Variants in SAMD5 observed in about 807,000 individuals in gnomAD.
The protein encoded by SAMD5 is sterile alpha motif domain-containing protein 5.
In SAMD5, 13 loss-of-function variants were observed where a neutral mutation model predicts 11.3. The observed-to-expected ratio is 1.15, with a 90% confidence interval of 0.75 to 1.83. The LOEUF (loss-of-function observed/expected upper bound fraction) is 1.83. SAMD5 is among the 40% of genes most tolerant of loss of function. The probability of loss-of-function intolerance (pLI) is 0.00; values close to 1 mark genes in which losing one functional copy is unlikely to be tolerated. For missense variants in SAMD5, 255 were observed against 239.1 expected, an observed-to-expected ratio of 1.07 and a Z score of -0.44; for synonymous variants, 129 against 111.3, an observed-to-expected ratio of 1.16 and a Z score of -1.00.
intron 1 of SAMD5, among the ~76,000 whole-genome samples, chr6:147,597,212 C>T (rs7754968): frequency 0.019 from 2,865 of 152,110 alleles, 82 homozygotes; most frequent in African/African-American, 0.066. Context: ...GTTATTAATC[C>T]AAACAATTAA....
At chr6:147,862,465 T>G in the SAMD5 span, among the ~76,000 whole-genome samples, 2 of 152,160 alleles carry the variant, frequency 1.3e-5, no homozygotes, top group African/African-American at 2.4e-5. Flanking sequence ...ACTACCAAGA[T>G]GAAAAGACCC....
At chr6:147,725,520 C>T (rs1277942613) in intron 1 of SAMD5, among the ~76,000 whole-genome samples, 1 of 151,858 alleles carries the variant, frequency 6.6e-6, no homozygotes, top group Admixed American at 6.6e-5. Context: ...TCCCAAGTAG[C>T]TGGGATTACA....
intron 1 of SAMD5, among the ~76,000 whole-genome samples, chr6:147,618,214 A>G (rs1369157066): frequency 1.3e-5 from 2 of 152,228 alleles, no homozygotes; most frequent in Admixed American, 1.3e-4. Flanking sequence ...GCTGGATGCT[A>G]GGAATACACA....
chr6:147,514,032 G>A lies in SAMD5; in HGVS notation c.459+4645G>A, dbSNP rs369953190. On this transcript the variant is annotated intron_variant, in intron 1 of 1. Transcript: ENST00000367474. ...GAGGAAGGGAGACTTTGTTGTCAAG[G>A]GAAGGGTTTTGTGGATTTGTTTGTG... 2.8e-4 allele frequency among the ~76,000 whole-genome samples: 42 copies of A among 152,286 alleles called. No homozygotes were observed. The South Asian group carries it at 8.5e-3, about 31-fold the overall frequency.
the SAMD5 span, among the ~76,000 whole-genome samples, chr6:147,757,472 A>G: frequency 2.6e-5 from 4 of 151,930 alleles, no homozygotes; most frequent in Non-Finnish European, 5.9e-5. Flanking sequence ...ACCAGTTAGA[A>G]CCCCTTCCCA....
At chr6:147,705,023 A>C (rs1791306741) in intron 1 of SAMD5, among the ~76,000 whole-genome samples, 2 of 152,224 alleles carry the variant, frequency 1.3e-5, no homozygotes, top group South Asian at 4.1e-4. Flanking sequence ...ATTTAGGAGA[A>C]GAAGATTGGA....
intron 1 of SAMD5, among the ~76,000 whole-genome samples, chr6:147,510,348 C>G (rs371911319): frequency 1.3e-5 from 2 of 152,272 alleles, no homozygotes; most frequent in African/African-American, 4.8e-5. Flanking sequence ...AGGCGGCTGT[C>G]GGAGTAGAGG....
chr6:147,619,734 G>C (rs984625539), intron 1 of SAMD5, among the ~76,000 whole-genome samples: 8 of 152,224 alleles, frequency 5.3e-5, no homozygotes, highest in African/African-American at 1.9e-4. Flanking sequence ...GGCTGCAAGA[G>C]AGGGTGGACC....
chr6:147,780,342 G>A, the SAMD5 span, among the ~76,000 whole-genome samples: 1 of 151,878 alleles, frequency 6.6e-6, no homozygotes, highest in Admixed American at 6.6e-5. Flanking sequence ...CAAGTAGCTT[G>A]GATTATAGAT....
intron 1 of SAMD5, among the ~76,000 whole-genome samples, chr6:147,525,647 G>T (rs953134782): frequency 2.6e-5 from 4 of 152,038 alleles, no homozygotes; most frequent in Admixed American, 2.0e-4. Flanking sequence ...GAGTGGTTCA[G>T]AATTTAATCA....
the SAMD5 span, among the ~76,000 whole-genome samples, chr6:147,936,283 T>C: frequency 5.5e-4 from 83 of 152,202 alleles, no homozygotes; most frequent in African/African-American, 1.9e-3. Flanking sequence ...GAGTAATTTA[T>C]AAGAAAAGGA....
chr6:147,920,953 A>G, the SAMD5 span, among the ~76,000 whole-genome samples: 91,847 of 152,040 alleles, frequency 0.6, 28,877 homozygotes, highest in African/African-American at 0.79. Flanking sequence ...TGTTACAATT[A>G]TTTTACAAAT....
the SAMD5 span, among the ~76,000 whole-genome samples, chr6:147,909,493 A>G: frequency 6.6e-6 from 1 of 152,152 alleles, no homozygotes; most frequent in South Asian, 2.1e-4. Flanking sequence ...TAAATAAAAC[A>G]TAATTATTAA....
chr6:147,823,243 C>A, the SAMD5 span, among the ~76,000 whole-genome samples: 6 of 152,044 alleles, frequency 3.9e-5, no homozygotes, highest in Non-Finnish European at 7.4e-5. Context: ...ATTTCTTTGG[C>A]AGATTTCTGA....
In SAMD5 at chr6:147,528,479, G is replaced by T. The variant is rs77955236; in HGVS notation, c.459+19092G>T. 9.3e-3 allele frequency among the ~76,000 whole-genome samples: 1,418 copies of T among 152,068 alleles called. 17 individuals are homozygous for T. Among genetic ancestry groups the T allele is most frequent in the African/African-American group, 0.032 (1,343 of 41,476 alleles). On this transcript the variant is annotated intron_variant, in intron 1 of 1. Transcript: ENST00000367474. ...TAAGGACACCAGTCATATTGTATTGGGACCCATCCTGTGACCTTATTTTAC... is the reference window on the plus strand; with the variant it reads ...TAAGGACACCAGTCATATTGTATTGTGACCCATCCTGTGACCTTATTTTAC...
At chr6:147,720,332 G>A (rs1273981451) in intron 1 of SAMD5, among the ~76,000 whole-genome samples, 4 of 152,244 alleles carry the variant, frequency 2.6e-5, no homozygotes, top group African/African-American at 7.2e-5. Flanking sequence ...GCGCGATGGC[G>A]GGCTCCTGTA....
chr6:147,844,678 A>C, the SAMD5 span, among the ~76,000 whole-genome samples: 1 of 152,204 alleles, frequency 6.6e-6, no homozygotes, highest in Non-Finnish European at 1.5e-5. Flanking sequence ...TAAAAAAAAA[A>C]AAACAGGAAA....
At chr6:147,685,993 G>A (rs1791005918) in intron 1 of SAMD5, among the ~76,000 whole-genome samples, 1 of 152,154 alleles carries the variant, frequency 6.6e-6, no homozygotes, top group Non-Finnish European at 1.5e-5. Flanking sequence ...ATACACCGTG[G>A]CAACTGATAT....
At chr6:147,808,766 A>G in the SAMD5 span, among the ~76,000 whole-genome samples, 1 of 152,272 alleles carries the variant, frequency 6.6e-6, no homozygotes, top group South Asian at 2.1e-4. Context: ...CATCAGCTGT[A>G]TATGAAACCC....
Sources: gnomAD v4.1 joint callset for allele counts (sites outside exome capture counted in the v4.1 genomes callset) on GRCh38, gnomAD v4.1.1 for gene constraint, MANE v1.5 for transcripts, NCBI Gene and HGNC (gene_info 2026-07-23, HGNC 2026-07-21) for gene names.